Variants in ENY2 observed in about 807,000 individuals in gnomAD.
ENY2 encodes the protein transcription and mRNA export factor ENY2.
ENY2 carries 4 observed loss-of-function variants against 15.9 expected under a neutral mutation model. The ratio of observed to expected loss-of-function variants is 0.25; its 90% CI spans 0.12 to 0.57. ENY2 has a LOEUF of 0.57. ENY2 is among the 20% of genes least tolerant of loss of function. The pLI is 0.91. For missense variants in ENY2, 54 were observed against 117.2 expected, an observed-to-expected ratio of 0.46 and a Z score of 2.49; for synonymous variants, 48 against 38.0, an observed-to-expected ratio of 1.26 and a Z score of -0.97.
In ENY2 at chr8:109,334,422, G is replaced by A; in HGVS notation, c.-47G>A. ...AGTGTGGTAGGTAACGGTCCTCAGC[G>A]CAAGGGTCATTTCGTCGCTGGGAAG... On this transcript the variant is annotated 5_prime_UTR_variant, in exon 1 of 5. Coordinates refer to ENST00000521688, the MANE Select transcript of ENY2 (RefSeq NM_020189.6). The A allele has an allele frequency of 1.2e-6, 2 of 1,613,620 alleles. No homozygotes were observed. Among genetic ancestry groups the A allele is most frequent in the East Asian group, 2.2e-5 (1 of 44,858 alleles).
chr8:109,338,758 G>C (rs1220176507), intron 2 of ENY2: 1 of 152,106 alleles, frequency 6.6e-6, no homozygotes, highest in Non-Finnish European at 1.5e-5. Flanking sequence ...TTACTGAATC[G>C]TTAAAATGTG....
At chr8:109,340,312 C>G (rs1816085811) in intron 3 of ENY2, 177 bp from the exon 4 acceptor site, 2 of 818,584 alleles carry the variant, frequency 2.4e-6, no homozygotes, top group African/African-American at 3.5e-5. Flanking sequence ...CAACTTTTAT[C>G]TTTTAGATCT....
intron 3 of ENY2, 128 bp from the exon 4 acceptor site, chr8:109,340,357 AATTT>A: frequency 7.4e-7 from 1 of 1,352,994 alleles, no homozygotes; most frequent in South Asian, 1.3e-5. Context: ...GGTTGAACTA[AATTT>A]TCAGTGTCCT....
chr8:109,342,227 G>C (rs1295741666), intron 4 of ENY2, among the ~76,000 whole-genome samples: 2 of 145,680 alleles, frequency 1.4e-5, no homozygotes, highest in Non-Finnish European at 3.0e-5. Flanking sequence ...TGGGTCAAAA[G>C]TATAACATAT....
intron 4 of ENY2, among the ~76,000 whole-genome samples, chr8:109,342,981 G>A (rs555487147): frequency 1.1e-4 from 17 of 152,178 alleles, no homozygotes; most frequent in African/African-American, 4.1e-4. Context: ...TTCCTTATCA[G>A]TGTGAAACAA....
intron 4 of ENY2, among the ~76,000 whole-genome samples, chr8:109,341,723 G>A (rs1376387104): frequency 6.6e-6 from 1 of 152,092 alleles, no homozygotes; most frequent in East Asian, 1.9e-4. Context: ...TCTTACTGTT[G>A]TTAAGAGAAG....
chr8:109,340,745 G>A lies in ENY2; in HGVS notation c.229+182G>A, dbSNP rs182548441. 14 of 641,032 alleles carry A rather than the reference G, an allele frequency of 2.2e-5. No individual in the cohort carries two copies. The East Asian group carries it at 3.5e-4, about 16-fold the overall frequency. The allele number at this position is 641,032 out of a possible 1,614,324, so 39.7% of individuals were successfully genotyped here. On this transcript the variant is annotated intron_variant, in intron 4 of 4. Transcript: ENST00000521688. The stretch of plus-strand genomic sequence containing the variant: ...TCTGGGAGTAACAAATGAGATACTA[G>A]GTTTCAGTGTTCTTGTACTCTAGAA...
Position 109,345,057 on chromosome 8 carries a change from T to C in ENY2, c.*1576T>C, listed in dbSNP as rs184113597. Reference sequence around the variant, plus strand: ...GAAGTTGTTTCATCCGTAAGTACCTTTGAACCCAGAAGCCCCCTTTCTCAT... The same window carrying C: ...GAAGTTGTTTCATCCGTAAGTACCTCTGAACCCAGAAGCCCCCTTTCTCAT... On this transcript the variant is annotated 3_prime_UTR_variant, in exon 5 of 5. Transcript: ENST00000521688. 80 of 152,308 alleles carry C rather than the reference T, an allele frequency of 5.3e-4. No homozygotes were observed. The highest frequency in any genetic ancestry group is 1.8e-3 in the African/African-American group (76 of 41,562). 9.4% of individuals were successfully genotyped at this position (152,308 alleles called of 1,614,324 possible).
chr8:109,336,047 A>G (rs1287386489), intron 1 of ENY2, 81 bp from the exon 2 acceptor site: 1 of 1,273,878 alleles, frequency 7.9e-7, no homozygotes, highest in Non-Finnish European at 1.1e-6. Flanking sequence ...AATGGTAAAC[A>G]TGTTAGGATG....
At chr8:109,340,626 G>A (rs1374493737) in intron 4 of ENY2, 63 bp downstream of exon 4, 2 of 1,589,664 alleles carry the variant, frequency 1.3e-6, no homozygotes, top group Non-Finnish European at 1.7e-6. Flanking sequence ...AAAATCTCTT[G>A]CTGGTTCAGA....
At chr8:109,337,134 G>A (rs1816003265) in intron 2 of ENY2, among the ~76,000 whole-genome samples, 1 of 151,556 alleles carries the variant, frequency 6.6e-6, no homozygotes, top group African/African-American at 2.4e-5. Flanking sequence ...TACTCTGTTG[G>A]TGTGGAGCTT....
chr8:109,336,024 C>G (rs1436910467), intron 1 of ENY2, 104 bp from the exon 2 acceptor site: 10 of 979,106 alleles, frequency 1.0e-5, no homozygotes, highest in Non-Finnish European at 1.3e-5. Flanking sequence ...TGTATCACCC[C>G]TTCAGTTAAT....
intron 2 of ENY2, 84 bp from the exon 3 acceptor site, chr8:109,339,236 A>T: frequency 7.8e-7 from 1 of 1,281,766 alleles, no homozygotes; most frequent in Non-Finnish European, 1.1e-6. Flanking sequence ...GGGAATTTTT[A>T]GTTGAACACT....
In ENY2 at chr8:109,334,423, C is replaced by G; in HGVS notation, c.-46C>G. On this transcript the variant is annotated 5_prime_UTR_variant, in exon 1 of 5. Coordinates refer to ENST00000521688, the MANE Select transcript of ENY2 (RefSeq NM_020189.6). Reference sequence around the variant, plus strand: ...GTGTGGTAGGTAACGGTCCTCAGCGCAAGGGTCATTTCGTCGCTGGGAAGG... The same window carrying G: ...GTGTGGTAGGTAACGGTCCTCAGCGGAAGGGTCATTTCGTCGCTGGGAAGG... 3.1e-6 allele frequency: 5 copies of G among 1,613,782 alleles called. No homozygotes were observed. The highest frequency in any genetic ancestry group is 1.3e-5 in the African/African-American group (1 of 75,060).
chr8:109,336,076 C>G lies in ENY2; in HGVS notation c.7-52C>G. 4 of 1,556,048 alleles carry G rather than the reference C, an allele frequency of 2.6e-6. No homozygotes were observed. The South Asian group carries it at 4.6e-5, about 18-fold the overall frequency. ...TAGGATGCCTGCCTAGAGGATTTAG[C>G]AGAAAATGCTTTGTAAATGTTCTAT... On this transcript the variant is annotated intron_variant, in intron 1 of 4. Transcript: ENST00000521688.
intron 4 of ENY2, chr8:109,342,948 G>T: frequency 2.0e-6 from 1 of 489,112 alleles, no homozygotes; most frequent in South Asian, 2.9e-5. Flanking sequence ...TTTTGTTCAT[G>T]TTTCTATTAG....
intron 3 of ENY2, 190 bp from the exon 4 acceptor site, chr8:109,340,299 G>A (rs1443167331): frequency 2.8e-6 from 2 of 709,116 alleles, no homozygotes; most frequent in Non-Finnish European, 2.2e-6. Flanking sequence ...TGAGACTTAC[G>A]AACAACTTTT....
rs549450357 is a variant in ENY2 at position 109,334,424 on chromosome 8, A to G, written c.-45A>G. 5.6e-6 allele frequency: 9 copies of G among 1,613,810 alleles called. No homozygotes were observed. The highest frequency in any genetic ancestry group is 1.6e-4 in the Middle Eastern group (1 of 6,062). On this transcript the variant is annotated 5_prime_UTR_variant, in exon 1 of 5. Transcript: ENST00000521688. ...TGTGGTAGGTAACGGTCCTCAGCGC[A>G]AGGGTCATTTCGTCGCTGGGAAGGG...
Position 109,334,360 on chromosome 8 carries a change from C to A in ENY2, c.-109C>A. On this transcript the variant is annotated 5_prime_UTR_variant, in exon 1 of 5. Transcript: ENST00000521688. ...TTCTAGCTTTCTGTGTGCTTAGGTG[C>A]CCGAGCTACTGAGGGTCTAAGTCCG... 3 of 1,518,164 alleles carry A rather than the reference C, an allele frequency of 2.0e-6. No individual in the cohort carries two copies. Among genetic ancestry groups the A allele is most frequent in the Non-Finnish European group, 9.1e-7 (1 of 1,103,352 alleles). The allele number at this position is 1,518,164 out of a possible 1,614,324, so 94.0% of individuals were successfully genotyped here.
Sources: allele counts gnomAD v4.1 joint callset (sites outside exome capture counted in the v4.1 genomes callset), GRCh38; gene constraint gnomAD v4.1.1; transcripts MANE v1.5; gene names NCBI Gene and HGNC (gene_info 2026-07-23, HGNC 2026-07-21).